INTS4: variants seen among roughly 807,000 people sequenced by gnomAD.
INTS4 encodes MSTP093.
In INTS4, 70 loss-of-function variants were observed where a neutral mutation model predicts 119.5. The observed-to-expected ratio is 0.59, with a 90% CI of 0.48 to 0.71. The LOEUF (loss-of-function observed/expected upper bound fraction) is 0.71. Ranked by LOEUF, INTS4 falls within the 30% of genes least tolerant of loss-of-function variation. INTS4 has a pLI of 0.00. For missense variants in INTS4, 867 were observed against 1,173.2 expected, an observed-to-expected ratio of 0.74 and a Z score of 3.81; for synonymous variants, 316 against 419.6, an observed-to-expected ratio of 0.75 and a Z score of 3.02.
rs1458089369 is a variant in INTS4 at position 77,921,470 on chromosome 11, A to C, written c.1634T>G (p.Ile545Ser). Residue 545 changes from isoleucine to serine, a missense_variant, in exon 14 of 23, where the codon ATT becomes AGT. Physicochemically the swap from Ile to Ser is moderately radical, Grantham distance 142. Coordinates refer to ENST00000534064, the MANE Select transcript of INTS4 (RefSeq NM_033547.4). ...ATTGAAAATAAGTACCAAAACTGCA[A>C]TATCTGATAGATGACTGGGTTAAGT... ...AEPDMDDPAY[I>S]AVLVLIFNAA... 6.2e-7 allele frequency: 1 copy of C among 1,603,958 alleles called. No homozygotes were observed. Among genetic ancestry groups the C allele is most frequent in the East Asian group, 2.2e-5 (1 of 44,836 alleles).
intron 10 of INTS4, among the ~76,000 whole-genome samples, chr11:77,933,274 C>A (rs1312398356): frequency 2.0e-5 from 3 of 151,926 alleles, no homozygotes; most frequent in Non-Finnish European, 2.9e-5. Context: ...GATGCCGAGC[C>A]CGAAGCTGGA....
In INTS4 at chr11:77,952,599, A is replaced by G. The variant is rs191279771; in HGVS notation, c.918+3343T>C. Among the ~76,000 whole-genome samples the G allele has an allele frequency of 2.8e-3, 421 of 152,292 alleles. 8 individuals are homozygous for G. Among genetic ancestry groups the G allele is most frequent in the Admixed American group, 0.024 (366 of 15,280 alleles). ...AGTAGTAATTATTATTATCAGCAAG[A>G]TAAGAATGATTATTTTTTCTGAATA... is the stretch of plus-strand genomic sequence containing the variant. On this transcript the variant is annotated intron_variant, in intron 8 of 22. Coordinates refer to ENST00000534064, the MANE Select transcript of INTS4 (RefSeq NM_033547.4).
At chr11:77,955,621 G>A (rs954962489) in intron 8 of INTS4, among the ~76,000 whole-genome samples, 3 of 151,496 alleles carry the variant, frequency 2.0e-5, no homozygotes, top group East Asian at 2.0e-4. Flanking sequence ...TCAGCCTCCC[G>A]AGTAGCTGGG....
intron 8 of INTS4, among the ~76,000 whole-genome samples, chr11:77,953,512 G>A (rs374011551): frequency 6.6e-6 from 1 of 151,972 alleles, no homozygotes; most frequent in African/African-American, 2.4e-5. Context: ...CATATACAAG[G>A]TAACACAGAT....
intron 17 of INTS4, among the ~76,000 whole-genome samples, chr11:77,902,014 T>A (rs1952792097): frequency 6.6e-6 from 1 of 152,146 alleles, no homozygotes; most frequent in Non-Finnish European, 1.5e-5. Flanking sequence ...GGGACAGAAA[T>A]AAGTGCAAGA....
chr11:77,939,889 T>C (rs1008901248), intron 9 of INTS4, among the ~76,000 whole-genome samples: 10 of 151,432 alleles, frequency 6.6e-5, no homozygotes, highest in African/African-American at 2.2e-4. Flanking sequence ...AAAAAAACCA[T>C]GCACAAGAAA....
chr11:77,909,908 A>G (rs1332123739), intron 15 of INTS4, among the ~76,000 whole-genome samples: 3 of 152,234 alleles, frequency 2.0e-5, no homozygotes, highest in Non-Finnish European at 4.4e-5. Context: ...ATCTCACACC[A>G]GTTAGAATGG....
At chr11:77,919,079 A>T in intron 14 of INTS4, 101 bp from the exon 15 acceptor site, 1 of 1,231,570 alleles carries the variant, frequency 8.1e-7, no homozygotes, top group South Asian at 1.3e-5. Context: ...GAGCTAAACA[A>T]AACAAAGGGG....
At chr11:77,908,265 C>T (rs1166660540) in intron 15 of INTS4, among the ~76,000 whole-genome samples, 1 of 150,834 alleles carries the variant, frequency 6.6e-6, no homozygotes, top group East Asian at 1.9e-4. Context: ...TTCTGGGGTA[C>T]ATGTGCAGAA....
intron 8 of INTS4, among the ~76,000 whole-genome samples, chr11:77,952,934 C>T (rs556769258): frequency 2.6e-5 from 4 of 152,118 alleles, no homozygotes; most frequent in Non-Finnish European, 5.9e-5. Flanking sequence ...CTGTAAATGC[C>T]GAATGAAAGG....
intron 4 of INTS4, among the ~76,000 whole-genome samples, chr11:77,970,517 C>A (rs1855684568): frequency 6.6e-6 from 1 of 151,700 alleles, no homozygotes; most frequent in South Asian, 2.1e-4. Context: ...TGAGGAACTG[C>A]CAGACTGTTT....
At chr11:77,891,990 A>G (rs1373457973) in intron 19 of INTS4, 150 bp from the exon 20 acceptor site, 2 of 1,194,544 alleles carry the variant, frequency 1.7e-6, no homozygotes, top group Non-Finnish European at 2.3e-6. Context: ...TGGTACCTAT[A>G]CAATCATGCC....
chr11:77,954,756 G>A (rs1446150448), intron 8 of INTS4, among the ~76,000 whole-genome samples: 1 of 152,192 alleles, frequency 6.6e-6, no homozygotes, highest in Non-Finnish European at 1.5e-5. Flanking sequence ...ACAGCAGGCA[G>A]AGCTCAGGCA....
intron 9 of INTS4, among the ~76,000 whole-genome samples, chr11:77,939,520 AG>A (rs1351477900): frequency 6.6e-6 from 1 of 152,184 alleles, no homozygotes; most frequent in Non-Finnish European, 1.5e-5. Context: ...GCTACAGTAC[AG>A]TCACTAAATA....
At chr11:77,928,023 AAAGCCTAGTT>A (rs1953551357) in intron 11 of INTS4, among the ~76,000 whole-genome samples, 2 of 152,212 alleles carry the variant, frequency 1.3e-5, no homozygotes, top group Non-Finnish European at 2.9e-5. Context: ...AAGGCAAAAA[AAAGCCTAGTT>A]AAGTCCTACT....
intron 21 of INTS4, among the ~76,000 whole-genome samples, chr11:77,889,156 CA>C (rs1354883026): frequency 6.6e-6 from 1 of 152,162 alleles, no homozygotes; most frequent in Non-Finnish European, 1.5e-5. Context: ...CTCACAATAG[CA>C]AAGACTTGGA....
chr11:77,904,374 T>C (rs749877806), intron 16 of INTS4, among the ~76,000 whole-genome samples: 1 of 152,252 alleles, frequency 6.6e-6, no homozygotes, highest in African/African-American at 2.4e-5. Flanking sequence ...TGTAAGTTAA[T>C]TTTAAGATAC....
intron 2 of INTS4, among the ~76,000 whole-genome samples, chr11:77,986,805 G>C (rs1359672535): frequency 6.6e-6 from 1 of 151,752 alleles, no homozygotes; most frequent in Non-Finnish European, 1.5e-5. Context: ...CTTGGACACA[G>C]GGCGGGAAAC....
chr11:77,878,793 G>C lies in INTS4; in HGVS notation c.*156C>G, dbSNP rs904757474. On this transcript the variant is annotated 3_prime_UTR_variant, in exon 23 of 23. Coordinates refer to ENST00000534064, the MANE Select transcript of INTS4 (RefSeq NM_033547.4). Reference sequence around the variant, plus strand: ...TGAAGGTTTTTTATTTTTTAATGAAGAAACAATTTATCCTGTGTTTGATAC... The same window carrying C: ...TGAAGGTTTTTTATTTTTTAATGAACAAACAATTTATCCTGTGTTTGATAC... 1.8e-5 allele frequency: 13 copies of C among 726,662 alleles called. No individual in the cohort carries two copies. Among genetic ancestry groups the C allele is most frequent in the Non-Finnish European group, 3.0e-5 (12 of 403,276 alleles). 45.0% of individuals were successfully genotyped at this position (726,662 alleles called of 1,614,324 possible). A position where few individuals can be genotyped will look rare whatever the true frequency, so the allele number is the denominator to read the frequency against.
Sources: allele counts gnomAD v4.1 joint callset (sites outside exome capture counted in the v4.1 genomes callset), GRCh38; gene constraint gnomAD v4.1.1; transcripts MANE v1.5; gene names NCBI Gene and HGNC (gene_info 2026-07-23, HGNC 2026-07-21).